DLGAP2: variants seen among roughly 807,000 people sequenced by gnomAD.
DLGAP2 encodes the protein DLG associated protein 2, also known as disks large-associated protein 2.
In DLGAP2, 26 loss-of-function variants were observed where a neutral mutation model predicts 100.3. The ratio of observed to expected loss-of-function variants is 0.26; its 90% confidence interval spans 0.19 to 0.36. The LOEUF (loss-of-function observed/expected upper bound fraction) is 0.36, where lower values mean the gene tolerates loss of function less well. Ranked by LOEUF, DLGAP2 falls within the 10% of genes least tolerant of loss-of-function variation. DLGAP2 has a pLI of 1.00. For missense variants in DLGAP2, 1,858 were observed against 1,453.2 expected, an observed-to-expected ratio of 1.28 and a Z score of -4.53; for synonymous variants, 886 against 630.1, an observed-to-expected ratio of 1.41 and a Z score of -6.08.
At chr8:1,628,535 A>T (rs1797565231) in intron 7 of DLGAP2, among the ~76,000 whole-genome samples, 1 of 149,808 alleles carries the variant, frequency 6.7e-6, no homozygotes, top group African/African-American at 2.5e-5. Context: ...CTGACCTCAC[A>T]TTCTGTCTGA....
intron 2 of DLGAP2, among the ~76,000 whole-genome samples, chr8:1,045,996 T>A (rs928818368): frequency 6.6e-6 from 1 of 152,084 alleles, no homozygotes; most frequent in South Asian, 2.1e-4. Context: ...GGGTTTTAAT[T>A]AGTGAGAGGG....
At chr8:1,564,642 G>C (rs1802323247) in intron 5 of DLGAP2, among the ~76,000 whole-genome samples, 2 of 152,210 alleles carry the variant, frequency 1.3e-5, no homozygotes, top group African/African-American at 4.8e-5. Flanking sequence ...ATGCACAGTT[G>C]CTCAGTTTGG....
rs898388396 is a variant in DLGAP2, at chr8:765,540, C to G, written c.18+27715C>G. Among the ~76,000 whole-genome samples, 3 of 152,074 alleles carry G rather than the reference C, an allele frequency of 2.0e-5. No individual in the cohort carries two copies. In the East Asian group the frequency reaches 5.8e-4, roughly 29 times the overall value. ...CTCAAATGACATTGGAATACAGCAGCCCTTGGGGCAGGCAAATGTCAGTCC... is the reference window on the plus strand; with the variant it reads ...CTCAAATGACATTGGAATACAGCAGGCCTTGGGGCAGGCAAATGTCAGTCC... On this transcript the variant is annotated intron_variant, in intron 1 of 14. Transcript: ENST00000637795.
At chr8:1,341,898 T>C (rs553749881) in intron 3 of DLGAP2, among the ~76,000 whole-genome samples, 118 of 152,322 alleles carry the variant, frequency 7.7e-4, no homozygotes, top group Non-Finnish European at 1.5e-3. Context: ...AGCCTGCGGG[T>C]GAAGCAATTG....
rs112085767 is a variant in DLGAP2 at position 1,354,453 on chromosome 8, C to CAGTG, written c.106+95573_106+95576dup. 8.3e-4 allele frequency among the ~76,000 whole-genome samples: 126 copies of CAGTG among 152,306 alleles called. 1 individual carries two copies. Among genetic ancestry groups the CAGTG allele is most frequent in the African/African-American group, 2.9e-3 (121 of 41,574 alleles). ...ACTTGAACTCGGGAGGCACAGGTTACAGTGAGCTGATATTGAGCCGCTGCA... is the reference window on the plus strand; with the variant it reads ...ACTTGAACTCGGGAGGCACAGGTTACAGTGAGTGAGCTGATATTGAGCCGCTGCA... On this transcript the variant is annotated intron_variant, in intron 3 of 14. Transcript: ENST00000637795.
chr8:1,438,352 G>A (rs962066207), intron 3 of DLGAP2, among the ~76,000 whole-genome samples: 5 of 152,136 alleles, frequency 3.3e-5, no homozygotes, highest in Non-Finnish European at 7.4e-5. Flanking sequence ...TACAGTTAGC[G>A]TTTTGGTCTT....
intron 3 of DLGAP2, among the ~76,000 whole-genome samples, chr8:1,451,754 C>A (rs752463367): frequency 1.6e-4 from 24 of 152,220 alleles, no homozygotes; most frequent in Non-Finnish European, 2.8e-4. Context: ...GCTCCCTCCA[C>A]AGTAACGACT....
intron 3 of DLGAP2, among the ~76,000 whole-genome samples, chr8:1,353,696 G>A (rs998187692): frequency 6.6e-6 from 1 of 152,138 alleles, no homozygotes; most frequent in African/African-American, 2.4e-5. Flanking sequence ...GCATGAAAAT[G>A]AATTAGGAAT....
intron 2 of DLGAP2, among the ~76,000 whole-genome samples, chr8:1,028,140 C>T (rs1440423543): frequency 1.5e-5 from 2 of 136,072 alleles, no homozygotes; most frequent in Admixed American, 7.2e-5. Flanking sequence ...GTCACGCGCC[C>T]GTTATTCTCC....
intron 3 of DLGAP2, among the ~76,000 whole-genome samples, chr8:1,429,722 C>G (rs73172522): frequency 0.21 from 32,034 of 151,246 alleles, 3,803 homozygotes; most frequent in Middle Eastern, 0.29. Flanking sequence ...CCAAGCAGAC[C>G]TCTACTCCCC....
chr8:949,594 C>T (rs1480592229), intron 2 of DLGAP2, among the ~76,000 whole-genome samples: 2 of 152,220 alleles, frequency 1.3e-5, no homozygotes, highest in East Asian at 1.9e-4. Context: ...GTGTGCTCCC[C>T]AGGACGGGCC....
At chr8:847,497 C>CTTTTTTCTTTTCTTT (rs1270423830) in intron 1 of DLGAP2, among the ~76,000 whole-genome samples, 7 of 151,590 alleles carry the variant, frequency 4.6e-5, no homozygotes, top group Non-Finnish European at 1.5e-5. Context: ...TGATTGTGTA[C>CTTTTTTCTTTTCTTT]TTTTTTCTTT....
At chr8:1,365,732 A>T (rs1174004537) in intron 3 of DLGAP2, among the ~76,000 whole-genome samples, 1 of 152,142 alleles carries the variant, frequency 6.6e-6, no homozygotes, top group African/African-American at 2.4e-5. Flanking sequence ...TAAATTTCTA[A>T]ATTTCCTGGG....
chr8:1,646,634 A>T (rs558956555), intron 8 of DLGAP2, among the ~76,000 whole-genome samples: 2 of 152,220 alleles, frequency 1.3e-5, no homozygotes, highest in African/African-American at 4.8e-5. Flanking sequence ...CAGAAACTTC[A>T]GTCCTTGTAG....
chr8:897,576 G>C (rs971950229), intron 1 of DLGAP2, among the ~76,000 whole-genome samples: 1 of 152,126 alleles, frequency 6.6e-6, no homozygotes, highest in Admixed American at 6.5e-5. Flanking sequence ...GAGGAGTCAC[G>C]GGGGTGTGTG....
chr8:1,646,030 C>T (rs1178313197), intron 8 of DLGAP2, among the ~76,000 whole-genome samples: 1 of 152,156 alleles, frequency 6.6e-6, no homozygotes, highest in Admixed American at 6.5e-5. Flanking sequence ...TGGTGGAGTT[C>T]ATGTGGCAAC....
chr8:1,651,181 C>T (rs541894468), intron 8 of DLGAP2, among the ~76,000 whole-genome samples: 23 of 152,304 alleles, frequency 1.5e-4, no homozygotes, highest in African/African-American at 4.6e-4. Context: ...TTCTTCCTCC[C>T]CACCTCTGCC....
At chr8:1,091,829 C>T (rs1190852000) in intron 2 of DLGAP2, among the ~76,000 whole-genome samples, 2 of 151,920 alleles carry the variant, frequency 1.3e-5, no homozygotes, top group South Asian at 2.1e-4. Flanking sequence ...TTCCTGCCCT[C>T]GCCATCCCCA....
chr8:892,371 A>G (rs980137434), intron 1 of DLGAP2, among the ~76,000 whole-genome samples: 2 of 152,186 alleles, frequency 1.3e-5, no homozygotes, highest in Admixed American at 1.3e-4. Flanking sequence ...TCAGCCTCAA[A>G]GAGGAACGAA....
Sources: gnomAD v4.1 joint callset for allele counts (sites outside exome capture counted in the v4.1 genomes callset) on GRCh38, gnomAD v4.1.1 for gene constraint, MANE v1.5 for transcripts, NCBI Gene and HGNC (gene_info 2026-07-23, HGNC 2026-07-21) for gene names.